Variants in NEK7 observed in about 807,000 individuals in gnomAD.
The protein encoded by NEK7 is serine/threonine-protein kinase Nek7.
In NEK7, 18 loss-of-function variants were observed where a neutral mutation model predicts 44.6. The observed-to-expected ratio is 0.40, with a 90% CI of 0.28 to 0.60. The LOEUF (loss-of-function observed/expected upper bound fraction) is 0.60, where lower values mean the gene tolerates loss of function less well. Among genes scored for constraint, NEK7 ranks in the 20% least tolerant of loss-of-function variants. The pLI, the probability that NEK7 is intolerant of heterozygous loss-of-function variation, is 0.38. For synonymous variants in NEK7, 130 were observed against 121.1 expected (o/e 1.07, Z -0.48); for missense variants, 256 against 366.5 (o/e 0.70, Z 2.46).
chr1:198,300,153 A>G (rs1026794205), intron 9 of NEK7, among the ~76,000 whole-genome samples: 6 of 152,118 alleles, frequency 3.9e-5, no homozygotes, highest in African/African-American at 7.2e-5. Flanking sequence ...TCAATGGGCA[A>G]TTACTATGTT....
intron 1 of NEK7, among the ~76,000 whole-genome samples, chr1:198,174,133 T>C (rs1664531290): frequency 2.0e-5 from 3 of 152,206 alleles, no homozygotes; most frequent in Non-Finnish European, 4.4e-5. Flanking sequence ...ATTCAAAGCA[T>C]AGTTCAGTTC....
chr1:198,200,466 A>G (rs1251017384), intron 1 of NEK7, among the ~76,000 whole-genome samples: 2 of 152,006 alleles, frequency 1.3e-5, no homozygotes, highest in East Asian at 1.9e-4. Flanking sequence ...CTTTAAGTGC[A>G]GGCTGATCTG....
intron 9 of NEK7, among the ~76,000 whole-genome samples, chr1:198,311,516 C>T (rs201091387): frequency 3.1e-4 from 47 of 150,738 alleles, no homozygotes; most frequent in African/African-American, 9.7e-4. Context: ...GTCTTGTGCC[C>T]GTTTTCAAAG....
At chr1:198,312,995 G>A (rs1192095147) in intron 9 of NEK7, among the ~76,000 whole-genome samples, 1 of 151,878 alleles carries the variant, frequency 6.6e-6, no homozygotes, top group Non-Finnish European at 1.5e-5. Context: ...GGGTATCCTT[G>A]TTGACTTTCT....
intron 3 of NEK7, among the ~76,000 whole-genome samples, chr1:198,261,721 C>T (rs964439886): frequency 1.2e-4 from 18 of 151,762 alleles, no homozygotes; most frequent in African/African-American, 4.1e-4. Context: ...CACTTAGAAC[C>T]TTGAGAGATT....
intron 1 of NEK7, among the ~76,000 whole-genome samples, chr1:198,192,037 AG>A (rs1665094017): frequency 6.6e-6 from 1 of 152,020 alleles, no homozygotes; most frequent in African/African-American, 2.4e-5. Flanking sequence ...TACCTTGGTA[AG>A]GGTTTTCAAA....
chr1:198,183,598 T>C (rs941185474), intron 1 of NEK7, among the ~76,000 whole-genome samples: 1 of 152,192 alleles, frequency 6.6e-6, no homozygotes, highest in Admixed American at 6.5e-5. Context: ...CCTAAACATG[T>C]GTGTTAGTCA....
chr1:198,188,305 A>G (rs1664977247), intron 1 of NEK7, among the ~76,000 whole-genome samples: 1 of 152,204 alleles, frequency 6.6e-6, no homozygotes, highest in Non-Finnish European at 1.5e-5. Context: ...TGATAAAAGT[A>G]GATAAGACTT....
intron 1 of NEK7, among the ~76,000 whole-genome samples, chr1:198,221,303 C>T (rs1162995785): frequency 6.6e-6 from 1 of 151,768 alleles, no homozygotes; most frequent in East Asian, 1.9e-4. Context: ...ATTGGATTTA[C>T]GTTACATTTT....
At chr1:198,170,225 G>A (rs144128898) in intron 1 of NEK7, among the ~76,000 whole-genome samples, 48 of 152,244 alleles carry the variant, frequency 3.2e-4, no homozygotes, top group African/African-American at 1.1e-3. Flanking sequence ...TCTCAGAGTG[G>A]GGTGAGATAG....
chr1:198,169,264 A>G (rs1664360805), intron 1 of NEK7, among the ~76,000 whole-genome samples: 2 of 152,126 alleles, frequency 1.3e-5, no homozygotes, highest in Admixed American at 6.5e-5. Context: ...GATGCTTCTT[A>G]TTTTTGCTTG....
chr1:198,283,692 A>C (rs184034491), intron 7 of NEK7, among the ~76,000 whole-genome samples: 1 of 152,132 alleles, frequency 6.6e-6, no homozygotes, highest in Non-Finnish European at 1.5e-5. Flanking sequence ...ATCTATATCT[A>C]CATCTTTAAA....
At chr1:198,305,984 A>G (rs1022290068) in intron 9 of NEK7, among the ~76,000 whole-genome samples, 4 of 152,174 alleles carry the variant, frequency 2.6e-5, no homozygotes, top group Non-Finnish European at 5.9e-5. Context: ...AGTATAATAT[A>G]GTACTGTATA....
Position 198,278,027 on chromosome 1 carries a change from A to G in NEK7, c.439A>G (p.Ser147Gly), listed in dbSNP as rs367944492. 29 of 1,604,008 alleles carry G rather than the reference A, an allele frequency of 1.8e-5. No homozygotes were observed. In the East Asian group the frequency reaches 3.1e-4, roughly 17 times the overall value. ...TVWKYFVQLCSALEHMHSRRV... is the reference protein window; with the variant it reads ...TVWKYFVQLCGALEHMHSRRV... ...TTGGAAGTATTTTGTTCAGCTTTGC[A>G]GTGCATTGGAACACATGCATTCTCG... The change falls in exon 6 of 10, where the codon AGT becomes GGT. Residue 147 changes from serine (S) to glycine (G), a missense_variant. Transcript: ENST00000367385.
At chr1:198,252,069 G>A (rs1355502253) in intron 2 of NEK7, among the ~76,000 whole-genome samples, 3 of 151,994 alleles carry the variant, frequency 2.0e-5, no homozygotes, top group African/African-American at 4.8e-5. Flanking sequence ...ATTCTGGTAC[G>A]TTGTGTCTTT....
intron 1 of NEK7, among the ~76,000 whole-genome samples, chr1:198,230,140 T>C (rs1272416724): frequency 6.6e-6 from 1 of 152,174 alleles, no homozygotes; most frequent in Non-Finnish European, 1.5e-5. Flanking sequence ...TGTTATTTCA[T>C]AGGGGTCTTT....
intron 1 of NEK7, among the ~76,000 whole-genome samples, chr1:198,188,349 G>A (rs1002699531): frequency 3.9e-5 from 6 of 152,184 alleles, no homozygotes; most frequent in Admixed American, 1.3e-4. Context: ...TTAAAGCACA[G>A]CAAACAGCAG....
At chr1:198,306,093 G>C (rs1439451013) in intron 9 of NEK7, among the ~76,000 whole-genome samples, 1 of 152,082 alleles carries the variant, frequency 6.6e-6, no homozygotes, top group Non-Finnish European at 1.5e-5. Context: ...CTATAAAATT[G>C]TACATACCAG....
intron 1 of NEK7, among the ~76,000 whole-genome samples, chr1:198,224,961 GAT>G (rs1267734140): frequency 6.6e-6 from 1 of 152,106 alleles, no homozygotes; most frequent in African/African-American, 2.4e-5. Context: ...TGGACAGTTG[GAT>G]GTAGGCGTTT....
Sources: allele counts gnomAD v4.1 joint callset (sites outside exome capture counted in the v4.1 genomes callset), GRCh38; gene constraint gnomAD v4.1.1; transcripts MANE v1.5; gene names NCBI Gene and HGNC (gene_info 2026-07-23, HGNC 2026-07-21).